The following ADGRF1 variants were observed in gnomAD, a reference collection of about 807,000 sequenced individuals.
ADGRF1 encodes G protein-coupled receptor 110.
In ADGRF1, 85 loss-of-function variants were observed where a neutral mutation model predicts 87.2. The observed-to-expected ratio is 0.97, with a 90% CI of 0.82 to 1.17. The LOEUF is 1.17. ADGRF1 is among the 50% of genes most tolerant of loss of function. The pLI is 0.00. For synonymous variants in ADGRF1, 430 were observed against 408.8 expected, an observed-to-expected ratio of 1.05 and a Z score of -0.63; for missense variants, 1,169 against 1,077.2, an observed-to-expected ratio of 1.09 and a Z score of -1.19.
chr6:47,019,212 GA>G, intron 7 of ADGRF1: 3 of 806,918 alleles, frequency 3.7e-6, no homozygotes, highest in Non-Finnish European at 4.5e-6. Context: ...AGTATAAATA[GA>G]AAACAAGGAT....
intron 2 of ADGRF1, 78 bp from the exon 3 acceptor site, chr6:47,027,839 T>A: frequency 3.4e-6 from 3 of 885,912 alleles, no homozygotes; most frequent in Admixed American, 3.8e-5. Flanking sequence ...GTTTCCCAGA[T>A]GAATTAAAAT....
intron 7 of ADGRF1, chr6:47,018,728 A>C (rs1458626811): frequency 5.6e-6 from 2 of 359,596 alleles, no homozygotes; most frequent in African/African-American, 4.3e-5. Flanking sequence ...ACTGGTCAAC[A>C]TGGTGAAACC....
At chr6:47,020,709 C>T in intron 7 of ADGRF1, 22 bp downstream of exon 7, 2 of 1,612,186 alleles carry the variant, frequency 1.2e-6, no homozygotes, top group Non-Finnish European at 1.7e-6. Flanking sequence ...GGATGCCCTT[C>T]TAAGACCATT....
At chr6:47,007,812 T>C (rs762126801) in intron 11 of ADGRF1, among the ~76,000 whole-genome samples, 32 of 152,166 alleles carry the variant, frequency 2.1e-4, no homozygotes, top group Non-Finnish European at 4.0e-4. Flanking sequence ...CTTCAGTTGG[T>C]GCTTGTTCAG....
Position 47,029,086 on chromosome 6 carries a change from T to C in ADGRF1, c.-25A>G. On this transcript the variant is annotated 5_prime_UTR_variant, in exon 2 of 15. Coordinates refer to ENST00000371253, the MANE Select transcript of ADGRF1 (RefSeq NM_153840.4). ...TTTTCCCTGGACTGAACAGCAGCAGTCGGGTGCATAGTCTGTGACTAAACA... is the reference window on the plus strand; with the variant it reads ...TTTTCCCTGGACTGAACAGCAGCAGCCGGGTGCATAGTCTGTGACTAAACA... 6.2e-7 allele frequency: 1 copy of C among 1,601,084 alleles called. No individual in the cohort carries two copies. Among genetic ancestry groups the C allele is most frequent in the Non-Finnish European group, 8.6e-7 (1 of 1,168,266 alleles).
chr6:47,010,136 C>A lies in ADGRF1; in HGVS notation c.1299G>T (p.Gly433=), dbSNP rs1451598268. 2 of 1,614,104 alleles carry A rather than the reference C, an allele frequency of 1.2e-6. No homozygotes were observed. Among genetic ancestry groups the A allele is most frequent in the East Asian group, 4.5e-5 (2 of 44,874 alleles). Residue 433 remains glycine, a synonymous_variant, in exon 11 of 15, where the codon GGG becomes GGT. Coordinates refer to ENST00000371253, the MANE Select transcript of ADGRF1 (RefSeq NM_153840.4). ...NFSRKFIDWK[G]IPVNKSQLKR... ...TGAGTTGGCTTTTGTTCACTGGAATCCCTTTCCAGTCAATGAATTTCCGAG... is the reference window on the plus strand; with the variant it reads ...TGAGTTGGCTTTTGTTCACTGGAATACCTTTCCAGTCAATGAATTTCCGAG...
intron 13 of ADGRF1, among the ~76,000 whole-genome samples, chr6:47,002,127 A>C (rs1779380277): frequency 6.6e-6 from 1 of 152,242 alleles, no homozygotes; most frequent in Admixed American, 6.5e-5. Context: ...AAATGTGTTT[A>C]CATACATTAT....
intron 9 of ADGRF1, chr6:47,014,047 A>C (rs1283701852): frequency 6.1e-6 from 1 of 163,128 alleles, no homozygotes; most frequent in East Asian, 1.9e-4. Flanking sequence ...ACCCAGTCTC[A>C]AATAGTTCTT....
In ADGRF1 at chr6:47,005,883, G is replaced by A; in HGVS notation, c.2533-7C>T. Reference sequence around the variant, plus strand: ...TGAACAGAAGTTGTCGCAGCTATAAGGGCAACAAAGAAATATTGAGGAGAT... The same window carrying A: ...TGAACAGAAGTTGTCGCAGCTATAAAGGCAACAAAGAAATATTGAGGAGAT... On this transcript the variant is annotated splice_polypyrimidine_tract_variant and splice_region_variant and intron_variant, in intron 12 of 14. Transcript: ENST00000371253. 1 of 1,605,092 alleles carries A rather than the reference G, an allele frequency of 6.2e-7. No homozygotes were observed. Among genetic ancestry groups the A allele is most frequent in the Non-Finnish European group, 8.5e-7 (1 of 1,173,776 alleles).
intron 11 of ADGRF1, among the ~76,000 whole-genome samples, chr6:47,008,130 A>G (rs967714112): frequency 3.9e-5 from 6 of 152,246 alleles, no homozygotes; most frequent in African/African-American, 1.4e-4. Flanking sequence ...TAGAGGTCAC[A>G]CAGTTTGTAA....
chr6:47,032,274 C>A (rs9463284), intron 1 of ADGRF1, among the ~76,000 whole-genome samples: 31,558 of 152,158 alleles, frequency 0.21, 3,507 homozygotes, highest in South Asian at 0.35. Flanking sequence ...TCAAGCGAAT[C>A]AAACTTTTTT....
intron 9 of ADGRF1, 84 bp downstream of exon 9, chr6:47,014,597 A>T (rs1398938125): frequency 5.8e-6 from 9 of 1,547,930 alleles, no homozygotes; most frequent in African/African-American, 1.4e-5. Context: ...AGGTATACTT[A>T]CCCTCCACCT....
chr6:47,025,778 C>T, intron 4 of ADGRF1, 76 bp downstream of exon 4: 2 of 1,308,442 alleles, frequency 1.5e-6, no homozygotes, highest in South Asian at 3.1e-5. Context: ...ATTGTTTCCA[C>T]AGCATAACCC....
Position 47,027,706 on chromosome 6 carries a change from A to G in ADGRF1, c.125T>C (p.Leu42Pro). Reference sequence around the variant, plus strand: ...CATGCTGTCTAACAGAGCCTCACCTAGATGTTTTTTCTTATTCACAATGAG... The same window carrying G: ...CATGCTGTCTAACAGAGCCTCACCTGGATGTTTTTTCTTATTCACAATGAG... The part of the protein sequence containing the change: ...KELIVNKKKH[L>P]GPVEEYQLLL... The change falls in exon 3 of 15, where the codon CTA (leucine) becomes CCA (proline). Residue 42 changes from leucine to proline, a missense_variant and splice_region_variant. Physicochemically the swap from Leu to Pro is moderately conservative, Grantham distance 98. Transcript: ENST00000371253. The G allele has an allele frequency of 6.2e-7, 1 of 1,603,816 alleles. No homozygotes were observed. The highest frequency in any genetic ancestry group is 2.2e-5 in the East Asian group (1 of 44,832).
chr6:47,034,796 G>T (rs1315001862), intron 1 of ADGRF1, among the ~76,000 whole-genome samples: 1 of 152,102 alleles, frequency 6.6e-6, no homozygotes, highest in Non-Finnish European at 1.5e-5. Context: ...TCCAGTTTGT[G>T]ACCCTACCTC....
At chr6:47,019,601 G>A (rs376461236) in intron 7 of ADGRF1, 8 of 317,578 alleles carry the variant, frequency 2.5e-5, no homozygotes, top group Non-Finnish European at 2.7e-5. Context: ...GGAGGATAGC[G>A]TGAACCAAGG....
rs1056148312 is a variant in ADGRF1 at position 47,042,212 on chromosome 6, C to A, written c.-65G>T. On this transcript the variant is annotated 5_prime_UTR_variant, in exon 1 of 15. Transcript: ENST00000371253. ...TTACCTGGTGATTTATCTCTTCACA[C>A]CAGAACTCGAGGGAGCCCTTCCTTC... The A allele has an allele frequency of 2.6e-5, 4 of 152,122 alleles. No homozygotes were observed. The highest frequency in any genetic ancestry group is 4.4e-5 in the Non-Finnish European group (3 of 68,038). The allele number at this position is 152,122 out of a possible 1,614,324, so 9.4% of individuals were successfully genotyped here. A position where few individuals can be genotyped will look rare whatever the true frequency, so the allele number is the denominator to read the frequency against.
intron 4 of ADGRF1, among the ~76,000 whole-genome samples, chr6:47,024,854 G>A (rs1297728126): frequency 6.6e-6 from 1 of 152,194 alleles, no homozygotes; most frequent in Non-Finnish European, 1.5e-5. Flanking sequence ...GCTGGGATTA[G>A]CATGCAAAAG....
chr6:47,033,601 C>A (rs765036176), intron 1 of ADGRF1, among the ~76,000 whole-genome samples: 1 of 152,278 alleles, frequency 6.6e-6, no homozygotes, highest in Non-Finnish European at 1.5e-5. Context: ...GCCTCACATG[C>A]GCCCATGCGC....
Sources: allele counts gnomAD v4.1 joint callset (sites outside exome capture counted in the v4.1 genomes callset), GRCh38; gene constraint gnomAD v4.1.1; transcripts MANE v1.5; gene names NCBI Gene and HGNC (gene_info 2026-07-23, HGNC 2026-07-21).